DPP10: variants seen among roughly 807,000 people sequenced by gnomAD.
DPP10 encodes the protein dipeptidyl peptidase like 10.
In DPP10, 33 loss-of-function variants were observed where a neutral mutation model predicts 120.9. The ratio of observed to expected loss-of-function variants is 0.27; its 90% CI spans 0.21 to 0.37. DPP10 has a LOEUF of 0.37. Among genes scored for constraint, DPP10 ranks in the 10% least tolerant of loss-of-function variants. The pLI is 1.00. For missense variants in DPP10, 816 were observed against 942.8 expected, an observed-to-expected ratio of 0.87 and a Z score of 1.76; for synonymous variants, 337 against 326.1, an observed-to-expected ratio of 1.03 and a Z score of -0.36.
At chr2:115,175,971 G>T (rs1263556051) in intron 1 of DPP10, among the ~76,000 whole-genome samples, 1 of 152,152 alleles carries the variant, frequency 6.6e-6, no homozygotes, top group Non-Finnish European at 1.5e-5. Context: ...TGGGGTCCAA[G>T]ATTCTGCATT....
intron 9 of DPP10, among the ~76,000 whole-genome samples, chr2:115,740,380 T>A (rs1425075769): frequency 6.6e-6 from 1 of 152,102 alleles, no homozygotes; most frequent in Non-Finnish European, 1.5e-5. Context: ...AAAAATAGAC[T>A]ATGCATAAAG....
At chr2:114,937,881 T>A (rs1471903729) in intron 1 of DPP10, among the ~76,000 whole-genome samples, 1 of 152,194 alleles carries the variant, frequency 6.6e-6, no homozygotes, top group Non-Finnish European at 1.5e-5. Context: ...GTGTAACTTA[T>A]GAGCAAGATT....
intron 1 of DPP10, among the ~76,000 whole-genome samples, chr2:114,465,566 CAA>C (rs1051136243): frequency 2.0e-5 from 3 of 152,140 alleles, no homozygotes; most frequent in African/African-American, 7.2e-5. Context: ...GTTAAAAAAA[CAA>C]TATTCCTGCA....
chr2:114,466,354 A>G (rs1679375316), intron 1 of DPP10, among the ~76,000 whole-genome samples: 4 of 152,212 alleles, frequency 2.6e-5, no homozygotes. Context: ...GTGTGTATAT[A>G]TAGTATTTAT....
intron 1 of DPP10, among the ~76,000 whole-genome samples, chr2:114,534,884 T>C (rs573882604): frequency 6.6e-6 from 1 of 152,298 alleles, no homozygotes; most frequent in South Asian, 2.1e-4. Flanking sequence ...GTTCCAAACA[T>C]GACTGGGATG....
chr2:115,842,472 C>A lies in DPP10; in HGVS notation c.*127C>A. 1.8e-6 allele frequency: 2 copies of A among 1,106,386 alleles called. No homozygotes were observed. The highest frequency in any genetic ancestry group is 2.5e-6 in the Non-Finnish European group (2 of 804,338). 68.5% of individuals were successfully genotyped at this position (1,106,386 alleles called of 1,614,324 possible). A position where few individuals can be genotyped will look rare whatever the true frequency, so the allele number is the denominator to read the frequency against. On this transcript the variant is annotated 3_prime_UTR_variant, in exon 26 of 26. Coordinates refer to ENST00000410059, the MANE Select transcript of DPP10 (RefSeq NM_020868.6). ...ACGGAGATGTCACTGGAGCAGCACGCTCAGAGACAGTGAACTAGCATTTGA... is the reference window on the plus strand; with the variant it reads ...ACGGAGATGTCACTGGAGCAGCACGATCAGAGACAGTGAACTAGCATTTGA...
At chr2:115,782,447 CTT>C in intron 17 of DPP10, 48 bp downstream of exon 17, 2 of 1,520,380 alleles carry the variant, frequency 1.3e-6, no homozygotes, top group Non-Finnish European at 1.8e-6. Flanking sequence ...TGGCATTAGT[CTT>C]AGACATCGTG....
At chr2:115,633,545 C>T (rs980060567) in intron 5 of DPP10, among the ~76,000 whole-genome samples, 6 of 152,004 alleles carry the variant, frequency 3.9e-5, no homozygotes, top group Non-Finnish European at 7.4e-5. Flanking sequence ...CAAACCTGCA[C>T]GTTGTACACA....
chr2:114,735,508 GTTA>G (rs1455215773), intron 1 of DPP10, among the ~76,000 whole-genome samples: 1 of 152,060 alleles, frequency 6.6e-6, no homozygotes, highest in African/African-American at 2.4e-5. Context: ...TAAACACACT[GTTA>G]TTATCATATT....
rs141058227 is a variant in DPP10 at position 114,758,927 on chromosome 2, G to C, written c.60+316089G>C. ...CCTTTCATATCTGTAATCTAGTTAA[G>C]TGAAAATGGATGTTCAGATAACCTG... On this transcript the variant is annotated intron_variant, in intron 1 of 25. Coordinates refer to ENST00000410059, the MANE Select transcript of DPP10 (RefSeq NM_020868.6). Among the ~76,000 whole-genome samples the C allele has an allele frequency of 3.1e-3, 466 of 152,258 alleles. 2 individuals carry two copies. Among genetic ancestry groups the C allele is most frequent in the African/African-American group, 0.011 (448 of 41,554 alleles).
chr2:115,067,413 G>A (rs1271296863), intron 1 of DPP10, among the ~76,000 whole-genome samples: 3 of 150,782 alleles, frequency 2.0e-5, no homozygotes, highest in South Asian at 2.1e-4. Context: ...CACCACGCCC[G>A]GCTAATTTTT....
chr2:115,521,011 A>G (rs1244498503), intron 4 of DPP10, among the ~76,000 whole-genome samples: 1 of 152,228 alleles, frequency 6.6e-6, no homozygotes, highest in Non-Finnish European at 1.5e-5. Context: ...AATTAAATAC[A>G]TGTGAGGTCA....
chr2:115,162,837 C>T (rs2104981957), intron 1 of DPP10, among the ~76,000 whole-genome samples: 1 of 152,236 alleles, frequency 6.6e-6, no homozygotes, highest in South Asian at 2.1e-4. Flanking sequence ...GTCTCTGTCC[C>T]TGATCTGGGG....
intron 1 of DPP10, among the ~76,000 whole-genome samples, chr2:114,623,178 A>C (rs1213331152): frequency 6.6e-6 from 1 of 152,116 alleles, no homozygotes; most frequent in Non-Finnish European, 1.5e-5. Flanking sequence ...GTGACATTTA[A>C]AGCACCACAG....
chr2:115,166,390 A>G (rs113866961), intron 1 of DPP10, among the ~76,000 whole-genome samples: 7 of 150,528 alleles, frequency 4.7e-5, no homozygotes, highest in African/African-American at 1.7e-4. Context: ...TAATTTGGTT[A>G]TAAAAGATAA....
chr2:115,746,939 G>T (rs1559104823), intron 10 of DPP10, among the ~76,000 whole-genome samples: 1 of 152,138 alleles, frequency 6.6e-6, no homozygotes, highest in Admixed American at 6.5e-5. Context: ...TTATTTTGAT[G>T]ATATCGATAA....
intron 1 of DPP10, among the ~76,000 whole-genome samples, chr2:114,759,597 CCT>C (rs1360166919): frequency 2.6e-5 from 4 of 151,704 alleles, no homozygotes; most frequent in African/African-American, 4.8e-5. Context: ...TGAAAGTGGC[CCT>C]CTGTCTATCT....
chr2:115,296,288 A>G (rs1187482444), intron 1 of DPP10, among the ~76,000 whole-genome samples: 1 of 152,038 alleles, frequency 6.6e-6, no homozygotes, highest in Non-Finnish European at 1.5e-5. Context: ...CGGTGGTGTT[A>G]CCAGGCGCAA....
chr2:115,133,920 T>A (rs938728723), intron 1 of DPP10, among the ~76,000 whole-genome samples: 1 of 152,216 alleles, frequency 6.6e-6, no homozygotes, highest in Non-Finnish European at 1.5e-5. Flanking sequence ...TGGGCCTTGC[T>A]GTGCTATTAA....
Sources: allele counts gnomAD v4.1 joint callset (sites outside exome capture counted in the v4.1 genomes callset), GRCh38; gene constraint gnomAD v4.1.1; transcripts MANE v1.5; gene names NCBI Gene and HGNC (gene_info 2026-07-23, HGNC 2026-07-21).